Variants in CSTPP1 observed in about 807,000 individuals in gnomAD.
CSTPP1 encodes the protein UPF0705 protein C11orf49.
the CSTPP1 span, among the ~76,000 whole-genome samples, chr11:47,108,485 T>C: frequency 6.6e-6 from 1 of 152,116 alleles, no homozygotes; most frequent in Admixed American, 6.5e-5. Context: ...AAAAACTAAA[T>C]AGTGAGAAGG....
chr11:47,109,581 C>T, the CSTPP1 span, among the ~76,000 whole-genome samples: 1 of 152,192 alleles, frequency 6.6e-6, no homozygotes, highest in African/African-American at 2.4e-5. Flanking sequence ...GTGCTAAATC[C>T]TGTCAGTCGG....
chr11:46,952,551 C>T, the CSTPP1 span, among the ~76,000 whole-genome samples: 1 of 152,208 alleles, frequency 6.6e-6, no homozygotes, highest in Non-Finnish European at 1.5e-5. Context: ...TTGGTAGCTG[C>T]TTGCCCTTAT....
the CSTPP1 span, among the ~76,000 whole-genome samples, chr11:47,042,243 A>T: frequency 6.6e-6 from 1 of 151,984 alleles, no homozygotes; most frequent in East Asian, 1.9e-4. Flanking sequence ...GAAGGAAGGA[A>T]GGATGGATGG....
the CSTPP1 span, among the ~76,000 whole-genome samples, chr11:47,142,584 G>C: frequency 1.3e-5 from 2 of 152,116 alleles, no homozygotes; most frequent in Non-Finnish European, 2.9e-5. Context: ...TATGACCTTG[G>C]TTTTGATCAA....
chr11:46,939,814 A>G, the CSTPP1 span, among the ~76,000 whole-genome samples: 1 of 152,100 alleles, frequency 6.6e-6, no homozygotes, highest in Non-Finnish European at 1.5e-5. Context: ...AAAGGAGTAT[A>G]CAGTGCATAC....
chr11:47,065,035 C>G, the CSTPP1 span, among the ~76,000 whole-genome samples: 3 of 152,216 alleles, frequency 2.0e-5, no homozygotes, highest in East Asian at 5.8e-4. Flanking sequence ...AGCCACCACA[C>G]CCAGCCTTGT....
chr11:46,994,795 T>A, the CSTPP1 span, among the ~76,000 whole-genome samples: 14 of 152,336 alleles, frequency 9.2e-5, no homozygotes, highest in Admixed American at 8.5e-4. Context: ...CCTCATAAAA[T>A]GAGTTAGGGA....
the CSTPP1 span, among the ~76,000 whole-genome samples, chr11:46,957,040 T>A: frequency 1.3e-5 from 2 of 152,032 alleles, no homozygotes; most frequent in African/African-American, 4.8e-5. Context: ...AATAATTGCC[T>A]TTCCTTTTGT....
chr11:46,951,003 A>C, the CSTPP1 span, among the ~76,000 whole-genome samples: 1 of 152,180 alleles, frequency 6.6e-6, no homozygotes, highest in Non-Finnish European at 1.5e-5. Flanking sequence ...TGAAGGAGAC[A>C]GCAGTCTCGT....
the CSTPP1 span, among the ~76,000 whole-genome samples, chr11:47,048,605 T>C: frequency 6.6e-6 from 1 of 151,660 alleles, no homozygotes; most frequent in Non-Finnish European, 1.5e-5. Flanking sequence ...ATTCCACTTA[T>C]ATGAGGTACT....
At chr11:47,160,817 A>G in the CSTPP1 span, 139,090 of 400,770 alleles carry the variant, frequency 0.35, 26,229 homozygotes, top group East Asian at 0.72. Flanking sequence ...AGGCCTCAAG[A>G]AGGAACTCAA....
chr11:46,937,419 G>A, the CSTPP1 span, among the ~76,000 whole-genome samples: 1 of 152,178 alleles, frequency 6.6e-6, no homozygotes, highest in East Asian at 1.9e-4. Flanking sequence ...CACTCCAACA[G>A]AACTTGAGAT....
the CSTPP1 span, among the ~76,000 whole-genome samples, chr11:47,048,114 AC>A: frequency 2.0e-5 from 3 of 152,178 alleles, no homozygotes; most frequent in Admixed American, 2.0e-4. Context: ...AAAAGGTTAA[AC>A]CTATAACTAC....
the CSTPP1 span, among the ~76,000 whole-genome samples, chr11:47,010,666 T>A: frequency 5.9e-5 from 9 of 152,276 alleles, no homozygotes; most frequent in African/African-American, 2.2e-4. Context: ...TGTTATTAAT[T>A]TTTTTGGTAC....
the CSTPP1 span, among the ~76,000 whole-genome samples, chr11:47,039,160 G>A: frequency 1.6e-5 from 2 of 127,352 alleles, 1 homozygote; most frequent in East Asian, 4.2e-4. Flanking sequence ...GCTGCTGGGA[G>A]GTGAAGGTTG....
chr11:46,980,081 AAAAC>A, the CSTPP1 span, among the ~76,000 whole-genome samples: 2 of 151,728 alleles, frequency 1.3e-5, no homozygotes, highest in African/African-American at 2.4e-5. Context: ...AACAAACAAA[AAAAC>A]AAAAAAACCC....
chr11:46,993,852 A>G, the CSTPP1 span, among the ~76,000 whole-genome samples: 60 of 152,304 alleles, frequency 3.9e-4, no homozygotes, highest in African/African-American at 1.4e-3. Context: ...CATTGAATCT[A>G]TAAATTACCT....
chr11:47,122,004 G>A, the CSTPP1 span, among the ~76,000 whole-genome samples: 22 of 140,090 alleles, frequency 1.6e-4, no homozygotes, highest in African/African-American at 5.4e-4. Context: ...CCAGGAATTC[G>A]AGGGTGCAAT....
At chr11:47,062,759 C>T in the CSTPP1 span, among the ~76,000 whole-genome samples, 1 of 152,228 alleles carries the variant, frequency 6.6e-6, no homozygotes, top group Non-Finnish European at 1.5e-5. Flanking sequence ...CCTTGGCCTA[C>T]AGATGTGTCT....
Sources: gnomAD v4.1 joint callset for allele counts (sites outside exome capture counted in the v4.1 genomes callset) on GRCh38, gnomAD v4.1.1 for gene constraint, MANE v1.5 for transcripts, NCBI Gene and HGNC (gene_info 2026-07-23, HGNC 2026-07-21) for gene names.